The following DLGAP2 variants were observed in gnomAD, a reference collection of about 807,000 sequenced individuals.
DLGAP2 encodes the protein DLG associated protein 2.
A neutral mutation model predicts 100.3 loss-of-function variants in DLGAP2; 26 were observed. That is an observed-to-expected ratio of 0.26 (90% CI 0.19 to 0.36). The LOEUF is 0.36. Among genes scored for constraint, DLGAP2 ranks in the 10% least tolerant of loss-of-function variants. DLGAP2 has a pLI of 1.00. For synonymous variants in DLGAP2, 886 were observed against 630.1 expected (o/e 1.41, Z -6.08); for missense variants, 1,858 against 1,453.2 (o/e 1.28, Z -4.53).
chr8:1,166,348 G>C (rs1224446600), intron 2 of DLGAP2, among the ~76,000 whole-genome samples: 2 of 152,170 alleles, frequency 1.3e-5, no homozygotes, highest in African/African-American at 4.8e-5. Flanking sequence ...ATTCAGGACC[G>C]ACATCTCCTT....
intron 12 of DLGAP2, 171 bp downstream of exon 12, chr8:1,678,800 T>C (rs1410644645): frequency 6.8e-6 from 5 of 738,080 alleles, no homozygotes; most frequent in Non-Finnish European, 9.8e-6. Context: ...ATAAATTACA[T>C]GAAAAGAGAA....
intron 2 of DLGAP2, among the ~76,000 whole-genome samples, chr8:1,172,429 C>T (rs899255475): frequency 6.6e-6 from 1 of 151,876 alleles, no homozygotes; most frequent in African/African-American, 2.4e-5. Context: ...GAATGTTGGC[C>T]TGCCTTGCTA....
intron 2 of DLGAP2, among the ~76,000 whole-genome samples, chr8:1,069,994 A>T (rs1462309122): frequency 6.6e-6 from 1 of 152,296 alleles, no homozygotes; most frequent in Middle Eastern, 3.4e-3. Flanking sequence ...TTAAACACAC[A>T]TTTAGCTTTG....
chr8:1,489,615 A>G (rs1394187821), intron 3 of DLGAP2, among the ~76,000 whole-genome samples: 1 of 152,182 alleles, frequency 6.6e-6, no homozygotes, highest in Non-Finnish European at 1.5e-5. Context: ...GGTGGGAGAA[A>G]ATTTGGAAAG....
intron 6 of DLGAP2, among the ~76,000 whole-genome samples, chr8:1,622,812 G>C (rs1797380662): frequency 6.6e-6 from 1 of 152,212 alleles, no homozygotes; most frequent in Non-Finnish European, 1.5e-5. Context: ...CACTTAGAGA[G>C]ATAACCAAAG....
chr8:1,693,755 A>G (rs562620553), intron 13 of DLGAP2, among the ~76,000 whole-genome samples: 1 of 152,354 alleles, frequency 6.6e-6, no homozygotes, highest in African/African-American at 2.4e-5. Context: ...AGAGTCACCA[A>G]CACATCACTC....
chr8:907,111 A>T (rs543109237), intron 1 of DLGAP2, among the ~76,000 whole-genome samples: 2 of 152,262 alleles, frequency 1.3e-5, no homozygotes, highest in South Asian at 4.1e-4. Flanking sequence ...AACAGCCTCT[A>T]ATCACCCTCT....
intron 1 of DLGAP2, among the ~76,000 whole-genome samples, chr8:879,727 T>C (rs1383197843): frequency 6.6e-6 from 1 of 152,218 alleles, no homozygotes; most frequent in African/African-American, 2.4e-5. Context: ...TTTTCATCAT[T>C]GACCTTTATC....
At chr8:993,838 G>A (rs1046195219) in intron 2 of DLGAP2, among the ~76,000 whole-genome samples, 2 of 84,614 alleles carry the variant, frequency 2.4e-5, no homozygotes, top group South Asian at 3.9e-4. Context: ...TTTGCTTTCT[G>A]TTGAGGGCCT....
intron 3 of DLGAP2, among the ~76,000 whole-genome samples, chr8:1,279,597 A>G (rs919337080): frequency 2.0e-5 from 3 of 152,198 alleles, no homozygotes; most frequent in South Asian, 2.1e-4. Context: ...TCAGTGTCTG[A>G]GAGTCCAGGG....
At chr8:1,290,531 G>A (rs1174221202) in intron 3 of DLGAP2, among the ~76,000 whole-genome samples, 1 of 152,168 alleles carries the variant, frequency 6.6e-6, no homozygotes, top group Non-Finnish European at 1.5e-5. Flanking sequence ...TCAAAGGTTA[G>A]TAGTTATAAA....
At chr8:1,253,961 T>A (rs893136133) in intron 2 of DLGAP2, among the ~76,000 whole-genome samples, 6 of 152,196 alleles carry the variant, frequency 3.9e-5, no homozygotes, top group African/African-American at 1.4e-4. Flanking sequence ...AAGCCCTGAA[T>A]CTGTGGTCAG....
At chr8:1,133,239 G>T (rs745534446) in intron 2 of DLGAP2, among the ~76,000 whole-genome samples, 1 of 152,172 alleles carries the variant, frequency 6.6e-6, no homozygotes, top group Non-Finnish European at 1.5e-5. Flanking sequence ...AAGAACTTTG[G>T]AATTTTCCTT....
At chr8:926,883 A>G (rs1201819126) in intron 2 of DLGAP2, among the ~76,000 whole-genome samples, 1 of 152,252 alleles carries the variant, frequency 6.6e-6, no homozygotes, top group Non-Finnish European at 1.5e-5. Flanking sequence ...ACTGCGTGGC[A>G]GGAGCGGAGC....
At chr8:987,168 C>T (rs1024642492) in intron 2 of DLGAP2, among the ~76,000 whole-genome samples, 26 of 152,232 alleles carry the variant, frequency 1.7e-4, no homozygotes, top group Non-Finnish European at 2.9e-4. Context: ...GTGGTGCCAC[C>T]GGAGGTTGGT....
intron 1 of DLGAP2, among the ~76,000 whole-genome samples, chr8:866,710 C>T (rs552633564): frequency 1.3e-5 from 2 of 152,214 alleles, no homozygotes; most frequent in African/African-American, 4.8e-5. Flanking sequence ...CTTCTAAATA[C>T]TTTCCCAGAC....
intron 2 of DLGAP2, among the ~76,000 whole-genome samples, chr8:908,786 A>C (rs1798429762): frequency 6.6e-6 from 1 of 152,210 alleles, no homozygotes; most frequent in Non-Finnish European, 1.5e-5. Flanking sequence ...TTCTAAAAGC[A>C]ATCGTGTGCT....
intron 1 of DLGAP2, among the ~76,000 whole-genome samples, chr8:882,880 C>T (rs1179762810): frequency 1.1e-4 from 16 of 152,266 alleles, no homozygotes; most frequent in Admixed American, 1.0e-3. Context: ...CGGCTGCTCA[C>T]GCTGCGACGT....
intron 1 of DLGAP2, among the ~76,000 whole-genome samples, chr8:769,186 C>G (rs1297503234): frequency 3.3e-5 from 5 of 152,064 alleles, no homozygotes; most frequent in African/African-American, 1.2e-4. Flanking sequence ...TAATGATAAA[C>G]AGAAGCATTT....
Sources: gnomAD v4.1 joint callset for allele counts (sites outside exome capture counted in the v4.1 genomes callset) on GRCh38, gnomAD v4.1.1 for gene constraint, MANE v1.5 for transcripts, NCBI Gene and HGNC (gene_info 2026-07-23, HGNC 2026-07-21) for gene names.